STRIP1: variants seen among roughly 807,000 people sequenced by gnomAD.
The protein encoded by STRIP1 is striatin interacting protein 1, also known as striatin-interacting protein 1.
In STRIP1, 63 loss-of-function variants were observed where a neutral mutation model predicts 106.2. The observed-to-expected ratio is 0.59, with a 90% CI of 0.48 to 0.73. STRIP1 has a LOEUF of 0.73. STRIP1 is among the 30% of genes least tolerant of loss of function. The pLI is 0.00. For synonymous variants in STRIP1, 390 were observed against 413.0 expected, an observed-to-expected ratio of 0.94 and a Z score of 0.67; for missense variants, 857 against 1,074.8, an observed-to-expected ratio of 0.80 and a Z score of 2.83.
chr1:110,054,053 G>A lies in STRIP1; in HGVS notation c.*141G>A, dbSNP rs1653428760. 4 of 1,096,078 alleles carry A rather than the reference G, an allele frequency of 3.6e-6. No individual in the cohort carries two copies. Among genetic ancestry groups the A allele is most frequent in the Non-Finnish European group, 5.2e-6 (4 of 766,742 alleles). 67.9% of individuals were successfully genotyped at this position (1,096,078 alleles called of 1,614,324 possible). ...ACTGTGTCTTCCGCAGTCTGTCCTG[G>A]GCTTGGGTGAGCCCAGCTTGACCTC... On this transcript the variant is annotated 3_prime_UTR_variant, in exon 21 of 21. Coordinates refer to ENST00000369795, the MANE Select transcript of STRIP1 (RefSeq NM_033088.4).
chr1:110,049,565 T>A lies in STRIP1; in HGVS notation c.1889+5T>A. ...CTACATCACTGCCAAGAACAGGTGA[T>A]GAGGGCCAGGGACCATGAAGGGGTG... On this transcript the variant is annotated splice_donor_5th_base_variant and intron_variant, in intron 17 of 20. Coordinates refer to ENST00000369795, the MANE Select transcript of STRIP1 (RefSeq NM_033088.4). The A allele has an allele frequency of 6.2e-7, 1 of 1,602,118 alleles. No homozygotes were observed. Among genetic ancestry groups the A allele is most frequent in the Non-Finnish European group, 8.5e-7 (1 of 1,169,904 alleles).
rs777671762 is a variant in STRIP1, at chr1:110,053,873, C to G, written c.2475C>G (p.Val825=). The G allele has an allele frequency of 6.2e-7, 1 of 1,614,040 alleles. No individual in the cohort carries two copies. Among genetic ancestry groups the G allele is most frequent in the Non-Finnish European group, 8.5e-7 (1 of 1,180,048 alleles). The part of the protein sequence containing the change: ...MNYDLWLERE[V]FSKPISWEEL... ...ATGACCTCTGGTTAGAAAGGGAGGT[C>G]TTCTCCAAGCCCATTTCCTGGGAAG... Residue 825 remains valine (V), a synonymous_variant, in exon 21 of 21, where the codon GTC becomes GTG. Coordinates refer to ENST00000369795, the MANE Select transcript of STRIP1 (RefSeq NM_033088.4).
rs761579686 is a variant in STRIP1, at chr1:110,047,590, T to G, written c.1537T>G (p.Leu513Val). Residue 513 changes from leucine to valine, a missense_variant, in exon 14 of 21, where the codon TTG becomes GTG. Coordinates refer to ENST00000369795, the MANE Select transcript of STRIP1 (RefSeq NM_033088.4). ...CCCTGCAGAAACCCTCTACCAAGGC[T>G]TGCTCCCCAGCCTGCCTCAGTATAT... ...QVPAETLYQG[L>V]LPSLPQYMIA... is the part of the protein sequence containing the mutation. 6.2e-7 allele frequency: 1 copy of G among 1,611,612 alleles called. No individual in the cohort carries two copies. Among genetic ancestry groups the G allele is most frequent in the Non-Finnish European group, 8.5e-7 (1 of 1,178,928 alleles).
intron 15 of STRIP1, chr1:110,048,387 A>G (rs1653131794): frequency 1.2e-5 from 2 of 161,292 alleles, no homozygotes; most frequent in South Asian, 3.4e-4. Context: ...GAGAGTCCAG[A>G]TTGAGATCAT....
At position 110,053,687 on chromosome 1, in the gene STRIP1, C is replaced by T; in HGVS notation, c.2289C>T (p.Asp763=). The T allele has an allele frequency of 6.2e-7, 1 of 1,614,122 alleles. No individual in the cohort carries two copies. The highest frequency in any genetic ancestry group is 8.5e-7 in the Non-Finnish European group (1 of 1,180,018). The change falls in exon 21 of 21, where the codon GAC becomes GAT. Residue 763 remains aspartate, a synonymous_variant. Transcript: ENST00000369795. Reference sequence around the variant, plus strand: ...CAGATCTTGATGCCCGGCCTTGGGACTTCCAGGCAGAGGAGTGTGCCCTTC... The same window carrying T: ...CAGATCTTGATGCCCGGCCTTGGGATTTCCAGGCAGAGGAGTGTGCCCTTC... ...YGNDLDARPW[D]FQAEECALRA...
intron 15 of STRIP1, 57 bp from the exon 16 acceptor site, chr1:110,049,055 A>G (rs978781529): frequency 4.5e-5 from 73 of 1,606,452 alleles, no homozygotes; most frequent in Non-Finnish European, 6.0e-5. Context: ...TTCTGTGGGC[A>G]CCTAGAAATG....
chr1:110,041,576 C>A lies in STRIP1; in HGVS notation c.691C>A (p.His231Asn). The part of the protein sequence containing the change: ...NIMYLIVETV[H>N]QECEGDKAEW... ...CATGTACCTGATAGTGGAGACCGTT[C>A]ATCAGGAGTGTGAGGGTGACAAGGC... Residue 231 changes from histidine to asparagine, a missense_variant, in exon 7 of 21, where the codon CAT (histidine) becomes AAT (asparagine). By Grantham distance (68) the His-to-Asn change is moderately conservative. Transcript: ENST00000369795. 3 of 1,614,112 alleles carry A rather than the reference C, an allele frequency of 1.9e-6. No individual in the cohort carries two copies. The highest frequency in any genetic ancestry group is 1.1e-5 in the South Asian group (1 of 91,066).
At position 110,047,548 on chromosome 1, in the gene STRIP1, G is replaced by A. The variant is rs1336559383; in HGVS notation, c.1495G>A (p.Glu499Lys). The A allele has an allele frequency of 1.2e-6, 2 of 1,611,238 alleles. No homozygotes were observed. Among genetic ancestry groups the A allele is most frequent in the Admixed American group, 3.4e-5 (2 of 59,650 alleles). ...GTACTCATTATGTTAAAAGGGAGAA[G>A]AAGAAGTTGAGCAAGTCCCTGCAGA... is the stretch of plus-strand genomic sequence containing the variant. ...YLRSPLSGGE[E>K]EVEQVPAETL... The change falls in exon 14 of 21, where the codon GAA becomes AAA. Residue 499 changes from glutamate to lysine, a missense_variant. Physicochemically the swap from Glu to Lys is moderately conservative, Grantham distance 56. This residue lies in a region of STRIP1 where 750 missense variants were observed against 989.8 expected (regional missense o/e 0.76). Transcript: ENST00000369795.
chr1:110,054,186 T>G lies in STRIP1; in HGVS notation c.*274T>G. ...TTGGATATGGTTGGTTTTGGCTCAT[T>G]TCACAATCAGCCCAAGGCTGGGAAA... On this transcript the variant is annotated 3_prime_UTR_variant, in exon 21 of 21. Transcript: ENST00000369795. 1 of 441,064 alleles carries G rather than the reference T, an allele frequency of 2.3e-6. No individual in the cohort carries two copies. The highest frequency in any genetic ancestry group is 4.2e-6 in the Non-Finnish European group (1 of 239,358). The allele number at this position is 441,064 out of a possible 1,614,324, so 27.3% of individuals were successfully genotyped here. A position where few individuals can be genotyped will look rare whatever the true frequency, so the allele number is the denominator to read the frequency against.
At chr1:110,040,059 A>G (rs2101769114) in intron 5 of STRIP1, 3 of 479,432 alleles carry the variant, frequency 6.3e-6, no homozygotes, top group South Asian at 1.7e-5. Context: ...TGTTAAGGAT[A>G]TAGGTACTAC....
upstream of STRIP1, among the ~76,000 whole-genome samples, chr1:110,032,915 G>C (rs565659059): frequency 6.6e-6 from 1 of 152,106 alleles, no homozygotes; most frequent in Non-Finnish European, 1.5e-5. Flanking sequence ...TAACACCCTC[G>C]AATGGTTTTC....
At chr1:110,042,521 T>C (rs574503862) in intron 8 of STRIP1, among the ~76,000 whole-genome samples, 1 of 152,342 alleles carries the variant, frequency 6.6e-6, no homozygotes, top group South Asian at 2.1e-4. Flanking sequence ...TTAAAAGTCA[T>C]TGACACATTT....
intron 6 of STRIP1, 79 bp downstream of exon 6, chr1:110,040,782 G>A: frequency 1.6e-6 from 2 of 1,244,824 alleles, no homozygotes; most frequent in African/African-American, 1.5e-5. Flanking sequence ...GCTGTCTGTG[G>A]GTGTCATTGC....
intron 20 of STRIP1, 35 bp downstream of exon 20, chr1:110,051,922 G>C (rs773145160): frequency 1.4e-5 from 22 of 1,605,304 alleles, no homozygotes; most frequent in Non-Finnish European, 1.9e-5. Flanking sequence ...TTGGGTGGGA[G>C]TGTGTCGGGA....
At chr1:110,049,899 G>A (rs941895901) in intron 17 of STRIP1, 1 of 308,948 alleles carries the variant, frequency 3.2e-6, no homozygotes, top group Non-Finnish European at 6.0e-6. Flanking sequence ...TCGGCCATGT[G>A]CCTTGTAATG....
chr1:110,050,179 C>T (rs1653225776), intron 17 of STRIP1, 164 bp from the exon 18 acceptor site: 1 of 630,646 alleles, frequency 1.6e-6, no homozygotes, highest in East Asian at 2.8e-5. Context: ...CAGATATTTC[C>T]TCATCTTATA....
In STRIP1 at chr1:110,051,211, C is replaced by A. The variant is rs1653284000; in HGVS notation, c.2061+151C>A. ...GCATTTTAAGGGCCAATTCCCAGTT[C>A]CTTGATGAATTGAACTGGAAGCTGG... On this transcript the variant is annotated intron_variant, in intron 19 of 20. Coordinates refer to ENST00000369795, the MANE Select transcript of STRIP1 (RefSeq NM_033088.4). 6.4e-6 allele frequency: 4 copies of A among 625,634 alleles called. No individual in the cohort carries two copies. In the East Asian group the frequency reaches 1.1e-4, roughly 17 times the overall value. 38.8% of individuals were successfully genotyped at this position (625,634 alleles called of 1,614,324 possible). A position where few individuals can be genotyped will look rare whatever the true frequency, so the allele number is the denominator to read the frequency against.
intron 15 of STRIP1, 136 bp downstream of exon 15, chr1:110,048,005 GA>G (rs1401701320): frequency 6.3e-5 from 45 of 713,310 alleles, no homozygotes; most frequent in Non-Finnish European, 9.6e-5. Flanking sequence ...CCAAAAAAAG[GA>G]AACTACGAGA....
intron 1 of STRIP1, among the ~76,000 whole-genome samples, chr1:110,035,403 C>CA (rs1652403500): frequency 1.3e-5 from 2 of 152,300 alleles, no homozygotes; most frequent in East Asian, 3.9e-4. Context: ...CATGGGTTAA[C>CA]AGTACCTGTG....
Sources: gnomAD v4.1 joint callset for allele counts (sites outside exome capture counted in the v4.1 genomes callset) on GRCh38, gnomAD v4.1.1 for gene constraint, gnomAD v4.1.1 regional missense constraint, MANE v1.5 for transcripts, NCBI Gene and HGNC (gene_info 2026-07-23, HGNC 2026-07-21) for gene names.